The following DIP2B variants were observed in gnomAD, a reference collection of about 807,000 sequenced individuals.
DIP2B encodes disco-interacting protein 2 homolog B.
DIP2B carries 76 observed loss-of-function variants against 198.0 expected under a neutral mutation model. The ratio of observed to expected loss-of-function variants is 0.38; its 90% CI spans 0.32 to 0.46. The LOEUF (loss-of-function observed/expected upper bound fraction) is 0.46. Ranked by LOEUF, DIP2B falls within the 20% of genes least tolerant of loss-of-function variation. DIP2B has a pLI of 0.99. For synonymous variants in DIP2B, 701 were observed against 739.1 expected, an observed-to-expected ratio of 0.95 and a Z score of 0.84; for missense variants, 1,559 against 1,978.4, an observed-to-expected ratio of 0.79 and a Z score of 4.02.
rs35584870 is a variant in DIP2B at position 50,512,107 on chromosome 12, C to CTTTT, written c.100+6881_100+6884dup. ...GTCTCGCCTTAGCTCAATGTAAGCT[C>CTTTT]TTTTTTTTTTTTTTTTTGAGATAGA... On this transcript the variant is annotated intron_variant, in intron 1 of 37. Transcript: ENST00000301180. 2.8e-4 allele frequency among the ~76,000 whole-genome samples: 34 copies of CTTTT among 122,238 alleles called. 1 individual carries two copies. Among genetic ancestry groups the CTTTT allele is most frequent in the Admixed American group, 5.4e-4 (6 of 11,116 alleles). 80.2% of individuals were successfully genotyped at this position (122,238 alleles called of 152,430 possible). A position where few individuals can be genotyped will look rare whatever the true frequency, so the allele number is the denominator to read the frequency against.
chr12:50,505,938 A>G (rs1332689970), intron 1 of DIP2B, among the ~76,000 whole-genome samples: 1 of 151,652 alleles, frequency 6.6e-6, no homozygotes, highest in Non-Finnish European at 1.5e-5. Flanking sequence ...TTGATGAAGG[A>G]AGGAGAGGAG....
chr12:50,719,816 G>A (rs751117910), intron 25 of DIP2B, among the ~76,000 whole-genome samples: 2 of 149,724 alleles, frequency 1.3e-5, no homozygotes, highest in African/African-American at 2.5e-5. Flanking sequence ...ACTCCAGCCT[G>A]GGTGACAGAG....
chr12:50,710,276 TC>T (rs1939592169), intron 22 of DIP2B, among the ~76,000 whole-genome samples: 1 of 152,216 alleles, frequency 6.6e-6, no homozygotes, highest in South Asian at 2.1e-4. Flanking sequence ...GTGTGGCCTG[TC>T]CTTGCTGTAC....
At chr12:50,643,593 TA>T (rs1938299410) in intron 3 of DIP2B, among the ~76,000 whole-genome samples, 1 of 152,124 alleles carries the variant, frequency 6.6e-6, no homozygotes, top group Non-Finnish European at 1.5e-5. Flanking sequence ...GATGCAAGCA[TA>T]GACTTTGGGT....
intron 1 of DIP2B, among the ~76,000 whole-genome samples, chr12:50,589,150 C>T (rs1958796939): frequency 1.3e-5 from 2 of 151,424 alleles, no homozygotes. Context: ...CGCCACTGCA[C>T]TCCAGCCTAG....
chr12:50,744,811 A>G lies in DIP2B; in HGVS notation c.4703A>G (p.Asp1568Gly). 1 of 1,614,130 alleles carries G rather than the reference A, an allele frequency of 6.2e-7. No homozygotes were observed. The highest frequency in any genetic ancestry group is 1.1e-5 in the South Asian group (1 of 91,086). ...LRDSFLADQL[D>G]PIYVAYNM ...GATAGCTTCCTAGCTGACCAGTTAG[A>G]CCCCATCTACGTGGCTTATAACATG... Residue 1568 changes from aspartate (D) to glycine (G), a missense_variant, in exon 38 of 38, where the codon GAC (aspartate) becomes GGC (glycine). Transcript: ENST00000301180.
chr12:50,508,501 A>G (rs1957986951), intron 1 of DIP2B, among the ~76,000 whole-genome samples: 1 of 152,180 alleles, frequency 6.6e-6, no homozygotes, highest in Non-Finnish European at 1.5e-5. Context: ...ACTAGATAGA[A>G]TAGGTATTGT....
chr12:50,507,809 T>C (rs1565806448), intron 1 of DIP2B, among the ~76,000 whole-genome samples: 2 of 152,250 alleles, frequency 1.3e-5, no homozygotes, highest in Non-Finnish European at 2.9e-5. Context: ...GTGTTAGGAT[T>C]ACAGGCGTGA....
At chr12:50,594,885 G>A (rs1174744618) in intron 1 of DIP2B, among the ~76,000 whole-genome samples, 1 of 151,974 alleles carries the variant, frequency 6.6e-6, no homozygotes, top group Non-Finnish European at 1.5e-5. Context: ...AGCGTTATCT[G>A]GCTTATTTTA....
In DIP2B at chr12:50,642,801, C is replaced by T. The variant is rs145317854; in HGVS notation, c.301+1949C>T. On this transcript the variant is annotated intron_variant, in intron 3 of 37. Transcript: ENST00000301180. ...GAGACTCTGTCTCAAAAAAAAACAA[C>T]AACACATCGTGGTTACTAGTTAAGG... Among the ~76,000 whole-genome samples, 211 of 152,178 alleles carry T rather than the reference C, an allele frequency of 1.4e-3. 2 individuals are homozygous for T. Among genetic ancestry groups the T allele is most frequent in the East Asian group, 8.7e-3 (45 of 5,170 alleles).
intron 1 of DIP2B, among the ~76,000 whole-genome samples, chr12:50,578,128 C>T (rs1469877361): frequency 6.6e-6 from 1 of 152,196 alleles, no homozygotes; most frequent in Non-Finnish European, 1.5e-5. Flanking sequence ...TCTCATGCCT[C>T]AGCCTCCCAA....
intron 1 of DIP2B, among the ~76,000 whole-genome samples, chr12:50,595,823 G>A (rs1326852088): frequency 6.6e-6 from 1 of 152,168 alleles, no homozygotes; most frequent in East Asian, 1.9e-4. Flanking sequence ...GTATGAGAAA[G>A]TAAATAAATA....
At chr12:50,736,884 A>G (rs1940147681) in intron 34 of DIP2B, 152 bp from the exon 35 acceptor site, 1 of 663,408 alleles carries the variant, frequency 1.5e-6, no homozygotes, top group Non-Finnish European at 2.7e-6. Flanking sequence ...GGTCTCTGCC[A>G]TGATCCCCTC....
chr12:50,559,944 A>G (rs1958504694), intron 1 of DIP2B, among the ~76,000 whole-genome samples: 1 of 152,120 alleles, frequency 6.6e-6, no homozygotes. Flanking sequence ...TTTTAAAAAT[A>G]TATCTTGTTT....
At chr12:50,735,432 GT>G (rs989645019) in intron 34 of DIP2B, among the ~76,000 whole-genome samples, 25 of 149,808 alleles carry the variant, frequency 1.7e-4, no homozygotes, top group South Asian at 6.4e-4. Flanking sequence ...CTGGTTCTAT[GT>G]TTTTTTTTCA....
rs758689347 is a variant in DIP2B at position 50,678,960 on chromosome 12, G to A, written c.1114+84G>A. 2.1e-5 allele frequency: 30 copies of A among 1,443,788 alleles called. No homozygotes were observed. The East Asian group carries it at 6.7e-4, about 32-fold the overall frequency. 89.4% of individuals were successfully genotyped at this position (1,443,788 alleles called of 1,614,324 possible). A position where few individuals can be genotyped will look rare whatever the true frequency, so the allele number is the denominator to read the frequency against. ...AGTGTTTTTATCTAGATACTTAGCA[G>A]TTGCTGGCCATTATGTTTCAGTAGA... is the stretch of plus-strand genomic sequence containing the variant. On this transcript the variant is annotated intron_variant, in intron 8 of 37. Transcript: ENST00000301180.
Position 50,533,294 on chromosome 12 carries a change from A to T in DIP2B, c.100+28054A>T, listed in dbSNP as rs962883517. Among the ~76,000 whole-genome samples, 11 of 152,342 alleles carry T rather than the reference A, an allele frequency of 7.2e-5. No homozygotes were observed. In the South Asian group the frequency reaches 2.3e-3, roughly 32 times the overall value. ...TGGAAGGGAGAGGAGAGTAGTAAGG[A>T]TGAGTCTTGTAGTCTTCTAGTCTTC... On this transcript the variant is annotated intron_variant, in intron 1 of 37. Coordinates refer to ENST00000301180, the MANE Select transcript of DIP2B (RefSeq NM_173602.3).
At chr12:50,545,577 A>G (rs1388597227) in intron 1 of DIP2B, among the ~76,000 whole-genome samples, 1 of 151,652 alleles carries the variant, frequency 6.6e-6, no homozygotes, top group Non-Finnish European at 1.5e-5. Flanking sequence ...GTGTCTTGCC[A>G]TGTTGGCCAG....
Position 50,678,865 on chromosome 12 carries a change from C to G in DIP2B, c.1103C>G (p.Thr368Ser), listed in dbSNP as rs375014157. Residue 368 changes from threonine to serine, a missense_variant, in exon 8 of 38, where the codon ACT (threonine) becomes AGT (serine). By Grantham distance (58) the Thr-to-Ser change is moderately conservative. Transcript: ENST00000301180. Reference protein sequence around the residue: ...ALDMTGKPVYTLTYGKLWSRS... With the variant: ...ALDMTGKPVYSLTYGKLWSRS... ...GACATGACAGGGAAACCAGTTTACACTCTTACATATGGTGAGTCTGCAAGA... is the reference window on the plus strand; with the variant it reads ...GACATGACAGGGAAACCAGTTTACAGTCTTACATATGGTGAGTCTGCAAGA... The G allele has an allele frequency of 1.2e-6, 2 of 1,614,218 alleles. No individual in the cohort carries two copies. Among genetic ancestry groups the G allele is most frequent in the South Asian group, 2.2e-5 (2 of 91,086 alleles).
Sources: allele counts gnomAD v4.1 joint callset (sites outside exome capture counted in the v4.1 genomes callset), GRCh38; gene constraint gnomAD v4.1.1; transcripts MANE v1.5; gene names NCBI Gene and HGNC (gene_info 2026-07-23, HGNC 2026-07-21).